PPP2R5C: variants seen among roughly 807,000 people sequenced by gnomAD.
The protein encoded by PPP2R5C is serine/threonine-protein phosphatase 2A 56 kDa regulatory subunit gamma isoform.
A neutral mutation model predicts 68.9 loss-of-function variants in PPP2R5C; 7 were observed. The observed-to-expected ratio is 0.10, with a 90% confidence interval of 0.06 to 0.19. The LOEUF (loss-of-function observed/expected upper bound fraction) is 0.19. PPP2R5C is among the 10% of genes least tolerant of loss of function. The probability of loss-of-function intolerance (pLI) is 1.00; values close to 1 mark genes in which losing one functional copy is unlikely to be tolerated. For synonymous variants in PPP2R5C, 210 were observed against 222.2 expected, an observed-to-expected ratio of 0.95 and a Z score of 0.49; for missense variants, 348 against 641.3, an observed-to-expected ratio of 0.54 and a Z score of 4.94.
chr14:101,846,054 A>C (rs1011270991), intron 1 of PPP2R5C, among the ~76,000 whole-genome samples: 2 of 152,212 alleles, frequency 1.3e-5, no homozygotes, highest in Non-Finnish European at 2.9e-5. Context: ...AGGGCTGTGC[A>C]CCACCTCTCC....
At chr14:101,803,965 A>AGTAT (rs1280646282) in intron 3 of PPP2R5C, among the ~76,000 whole-genome samples, 1 of 152,182 alleles carries the variant, frequency 6.6e-6, no homozygotes, top group Non-Finnish European at 1.5e-5. Flanking sequence ...AATACTTGCA[A>AGTAT]ACTACTCATC....
At chr14:101,828,124 T>C (rs2040509318) in intron 1 of PPP2R5C, among the ~76,000 whole-genome samples, 1 of 152,216 alleles carries the variant, frequency 6.6e-6, no homozygotes, top group African/African-American at 2.4e-5. Flanking sequence ...CCACATAATA[T>C]TGCAAATGAT....
chr14:101,849,332 A>C (rs542899167), intron 1 of PPP2R5C, among the ~76,000 whole-genome samples: 2 of 152,098 alleles, frequency 1.3e-5, no homozygotes, highest in African/African-American at 4.8e-5. Context: ...TGCCCCGCCC[A>C]TGGGTGGTGT....
chr14:101,785,901 T>C (rs1162931897), intron 2 of PPP2R5C, 117 bp from the exon 3 acceptor site: 1 of 917,296 alleles, frequency 1.1e-6, no homozygotes, highest in Non-Finnish European at 1.5e-6. Flanking sequence ...ATGTCTTCCA[T>C]GGAGTGAAGG....
In PPP2R5C at chr14:101,877,394, C is replaced by T. The variant is rs148781002; in HGVS notation, c.295-4767C>T. On this transcript the variant is annotated intron_variant, in intron 2 of 13. Coordinates refer to ENST00000334743, the Ensembl canonical transcript of PPP2R5C. This position sits in a 1 kb window ranked among gnomAD's most constrained non-coding sequence, Gnocchi z 4.2. The stretch of plus-strand genomic sequence containing the variant: ...TGGGCAGCGTGATTCTGCGTCTGTG[C>T]CTCTGGGTGTGCGCTGGATCCGTAG... Among the ~76,000 whole-genome samples, 868 of 152,234 alleles carry T rather than the reference C, an allele frequency of 5.7e-3. 6 individuals are homozygous for T. Among genetic ancestry groups the T allele is most frequent in the African/African-American group, 0.02 (842 of 41,540 alleles).
chr14:101,849,232 G>A (rs1430462123), intron 1 of PPP2R5C, among the ~76,000 whole-genome samples: 2 of 152,196 alleles, frequency 1.3e-5, no homozygotes, highest in Non-Finnish European at 2.9e-5. Context: ...CGGTTGTGAT[G>A]GACGTGTATG....
rs768716123 is a variant in PPP2R5C at position 101,925,324 on chromosome 14, G to A, written c.*52G>A. ...GCCCGCCAGTTCTTTTCCGGATTCT[G>A]TAGAAAATACATACTTCCTGTGCCA... On this transcript the variant is annotated 3_prime_UTR_variant, in exon 14 of 14. Transcript: ENST00000334743. 4 of 1,602,350 alleles carry A rather than the reference G, an allele frequency of 2.5e-6. No individual in the cohort carries two copies. In the South Asian group the frequency reaches 4.4e-5, roughly 18 times the overall value.
chr14:101,897,278 T>C (rs554782975), intron 8 of PPP2R5C, among the ~76,000 whole-genome samples: 1 of 152,246 alleles, frequency 6.6e-6, no homozygotes, highest in East Asian at 1.9e-4. Context: ...AAAAGAAAAA[T>C]GAACAGTGTT....
chr14:101,888,158 AC>A lies in PPP2R5C; in HGVS notation c.630-2077del, dbSNP rs2140937474. Among the ~76,000 whole-genome samples the A allele has an allele frequency of 6.6e-6, 1 of 152,230 alleles. No homozygotes were observed. The highest frequency in any genetic ancestry group is 2.1e-4 in the South Asian group (1 of 4,812). ...TAAATGTTAAAGCTGATGGATCTAG[AC>A]CAGAAGGGGTCCAGGGGTCTTTGTC... On this transcript the variant is annotated intron_variant, in intron 5 of 13. Transcript: ENST00000334743. This position sits in a 1 kb window ranked among gnomAD's most constrained non-coding sequence, Gnocchi z 5.6.
At chr14:101,858,399 C>T (rs2042555484) in intron 2 of PPP2R5C, among the ~76,000 whole-genome samples, 1 of 152,052 alleles carries the variant, frequency 6.6e-6, no homozygotes, top group South Asian at 2.1e-4. Flanking sequence ...TAGGTAGAAG[C>T]ATAGAATCCG....
At chr14:101,796,860 A>G (rs983002930) in intron 3 of PPP2R5C, 1 of 269,504 alleles carries the variant, frequency 3.7e-6, no homozygotes, top group African/African-American at 2.2e-5. Flanking sequence ...CTGCTCCTCA[A>G]GTGTTTCCTG....
chr14:101,854,340 G>A (rs2042302523), intron 1 of PPP2R5C, among the ~76,000 whole-genome samples: 1 of 152,260 alleles, frequency 6.6e-6, no homozygotes, highest in South Asian at 2.1e-4. Flanking sequence ...CTTGTTATTT[G>A]CAAGGCTCAA....
rs2046764441 is a variant in PPP2R5C, at chr14:101,917,765, A to G, written c.1327-66A>G. On this transcript the variant is annotated intron_variant, in intron 12 of 13. Coordinates refer to ENST00000334743, the Ensembl canonical transcript of PPP2R5C. This position sits in a 1 kb window ranked among gnomAD's most constrained non-coding sequence, Gnocchi z 4.4. ...CGGCAGGGGAGATGAGTCCCTAGCC[A>G]GGATGAGAAGCTTGGAGTTCAGAGC... 2 of 1,603,890 alleles carry G rather than the reference A, an allele frequency of 1.2e-6. No homozygotes were observed. The highest frequency in any genetic ancestry group is 8.5e-7 in the Non-Finnish European group (1 of 1,174,078).
At position 101,830,195 on chromosome 14, in the gene PPP2R5C, G is replaced by T. The variant is rs145994458; in HGVS notation, c.94+20159G>T. ...AAGACAAATATGTTCTAATCCATAGGAGAGTGAGAATTTCCAAGTTCATTA... is the reference window on the plus strand; with the variant it reads ...AAGACAAATATGTTCTAATCCATAGTAGAGTGAGAATTTCCAAGTTCATTA... On this transcript the variant is annotated intron_variant, in intron 1 of 13. Coordinates refer to ENST00000334743, the Ensembl canonical transcript of PPP2R5C. 5.7e-3 allele frequency among the ~76,000 whole-genome samples: 862 copies of T among 152,256 alleles called. 16 individuals carry two copies. The highest frequency in any genetic ancestry group is 0.019 in the African/African-American group (807 of 41,544).
intron 12 of PPP2R5C, chr14:101,912,691 C>A: frequency 9.8e-7 from 1 of 1,024,112 alleles, no homozygotes; most frequent in Admixed American, 4.2e-5. Flanking sequence ...CTTTTTTCCT[C>A]TGCTTTTTAA....
chr14:101,808,422 CTG>C (rs575393312), upstream of PPP2R5C, among the ~76,000 whole-genome samples: 144 of 152,250 alleles, frequency 9.5e-4, no homozygotes, highest in African/African-American at 3.3e-3. Flanking sequence ...GAATCCAGCA[CTG>C]TCTGTCAGCT....
At chr14:101,907,293 C>T (rs1480388504) in intron 10 of PPP2R5C, among the ~76,000 whole-genome samples, 1 of 152,042 alleles carries the variant, frequency 6.6e-6, no homozygotes, top group East Asian at 1.9e-4. Context: ...GCCTCAGGGT[C>T]CTGAGTAGCT....
chr14:101,861,945 GCT>G (rs900362259), intron 2 of PPP2R5C, among the ~76,000 whole-genome samples: 2 of 152,210 alleles, frequency 1.3e-5, no homozygotes, highest in Non-Finnish European at 2.9e-5. Context: ...ATGCCGTCTT[GCT>G]CTGTTGCCCA....
intron 1 of PPP2R5C, among the ~76,000 whole-genome samples, chr14:101,834,457 GC>G (rs973108839): frequency 2.0e-5 from 3 of 152,218 alleles, no homozygotes; most frequent in Non-Finnish European, 4.4e-5. Context: ...ATCTCACAAG[GC>G]CACCAGCAAG....
Sources: allele counts gnomAD v4.1 joint callset (sites outside exome capture counted in the v4.1 genomes callset), GRCh38; gene constraint gnomAD v4.1.1; non-coding constraint Gnocchi (gnomAD v3.1); transcripts MANE v1.5; gene names NCBI Gene and HGNC (gene_info 2026-07-23, HGNC 2026-07-21).